UBR3: variants seen among roughly 807,000 people sequenced by gnomAD.
UBR3 encodes E3 ubiquitin-protein ligase UBR3.
In UBR3, 85 loss-of-function variants were observed where a neutral mutation model predicts 243.2. The observed-to-expected ratio is 0.35, with a 90% confidence interval of 0.29 to 0.42. The LOEUF (loss-of-function observed/expected upper bound fraction) is 0.42, where lower values mean the gene tolerates loss of function less well. Ranked by LOEUF, UBR3 falls within the 10% of genes least tolerant of loss-of-function variation. The probability of loss-of-function intolerance (pLI) is 1.00; values close to 1 mark genes in which losing one functional copy is unlikely to be tolerated. For synonymous variants in UBR3, 748 were observed against 799.8 expected, an observed-to-expected ratio of 0.94 and a Z score of 1.09; for missense variants, 1,686 against 2,300.8, an observed-to-expected ratio of 0.73 and a Z score of 5.47.
In UBR3 at chr2:169,856,098, G is replaced by T. The variant is rs551469839; in HGVS notation, c.546-16138G>T. ...GACGGGGCGGCTGCCGGGCGGAGGGGCTCCTCACTTCTCAGACGGGGGCAG... is the reference window on the plus strand; with the variant it reads ...GACGGGGCGGCTGCCGGGCGGAGGGTCTCCTCACTTCTCAGACGGGGGCAG... On this transcript the variant is annotated intron_variant, in intron 1 of 38. Coordinates refer to ENST00000272793, the MANE Select transcript of UBR3 (RefSeq NM_172070.4). Among the ~76,000 whole-genome samples the T allele has an allele frequency of 5.8e-3, 869 of 150,136 alleles. 6 individuals are homozygous for T. The highest frequency in any genetic ancestry group is 0.02 in the African/African-American group (803 of 40,714).
chr2:170,072,448 G>A (rs983276252), intron 35 of UBR3, among the ~76,000 whole-genome samples: 7 of 151,852 alleles, frequency 4.6e-5, no homozygotes, highest in Non-Finnish European at 4.4e-5. Context: ...GGGAGGGATA[G>A]CATTAGGAGA....
At chr2:170,053,018 T>C (rs2091256440) in intron 32 of UBR3, among the ~76,000 whole-genome samples, 1 of 152,168 alleles carries the variant, frequency 6.6e-6, no homozygotes, top group Non-Finnish European at 1.5e-5. Flanking sequence ...AAAAGATCAT[T>C]CTGGCTGGAA....
chr2:169,948,284 T>G (rs1429242470), intron 22 of UBR3, among the ~76,000 whole-genome samples: 1 of 152,044 alleles, frequency 6.6e-6, no homozygotes, highest in Non-Finnish European at 1.5e-5. Context: ...TTGGATATTT[T>G]CTAAATTAAA....
intron 23 of UBR3, among the ~76,000 whole-genome samples, chr2:169,957,172 A>AT (rs1206094368): frequency 6.6e-5 from 10 of 152,104 alleles, no homozygotes; most frequent in Non-Finnish European, 1.2e-4. Flanking sequence ...TATGCTTACT[A>AT]GTATTGTTAG....
intron 33 of UBR3, 47 bp from the exon 34 acceptor site, chr2:170,061,032 T>G (rs763585006): frequency 8.0e-7 from 1 of 1,252,128 alleles, no homozygotes; most frequent in Non-Finnish European, 1.1e-6. Flanking sequence ...ATGTAAATTT[T>G]TTATAATTTT....
chr2:169,849,409 T>G (rs2082588741), intron 1 of UBR3, among the ~76,000 whole-genome samples: 1 of 152,218 alleles, frequency 6.6e-6, no homozygotes, highest in Non-Finnish European at 1.5e-5. Flanking sequence ...GTGTCCACAT[T>G]CAGTTGAGTT....
At chr2:169,852,275 T>C (rs1421028925) in intron 1 of UBR3, among the ~76,000 whole-genome samples, 1 of 152,210 alleles carries the variant, frequency 6.6e-6, no homozygotes, top group Non-Finnish European at 1.5e-5. Flanking sequence ...AAAAGATGAA[T>C]GGAATAATGG....
At chr2:170,004,266 C>T (rs73977004) in intron 27 of UBR3, among the ~76,000 whole-genome samples, 14,480 of 151,996 alleles carry the variant, frequency 0.095, 834 homozygotes, top group African/African-American at 0.16. Flanking sequence ...TCTTCTGGAG[C>T]ATGAGGGGGA....
chr2:170,075,889 G>A (rs1229676376), intron 36 of UBR3, among the ~76,000 whole-genome samples: 1 of 145,672 alleles, frequency 6.9e-6, no homozygotes, highest in African/African-American at 2.5e-5. Flanking sequence ...TTTAAAATAA[G>A]GAAAACCAAA....
At position 169,890,556 on chromosome 2, in the gene UBR3, T is replaced by TAC. The variant is rs1407070750; in HGVS notation, c.1039-608_1039-607insCA. On this transcript the variant is annotated intron_variant, in intron 5 of 38. Transcript: ENST00000272793. ...AGAGAGAGAGATATATATATATATA[T>TAC]ATATATATGTGTATATATATATATG... Among the ~76,000 whole-genome samples, 8 of 104,972 alleles carry TAC rather than the reference T, an allele frequency of 7.6e-5. 1 individual carries two copies. The highest frequency in any genetic ancestry group is 2.2e-4 in the East Asian group (1 of 4,632). 68.9% of individuals were successfully genotyped at this position (104,972 alleles called of 152,430 possible). A position where few individuals can be genotyped will look rare whatever the true frequency, so the allele number is the denominator to read the frequency against.
intron 18 of UBR3, among the ~76,000 whole-genome samples, chr2:169,931,566 C>T (rs537479185): frequency 3.3e-5 from 5 of 152,042 alleles, no homozygotes; most frequent in African/African-American, 1.2e-4. Flanking sequence ...GAAGCTTAAG[C>T]TTCTTACCAT....
intron 5 of UBR3, among the ~76,000 whole-genome samples, chr2:169,889,446 G>A (rs2084240292): frequency 6.6e-6 from 1 of 152,128 alleles, no homozygotes; most frequent in South Asian, 2.1e-4. Context: ...TCAGGTCTTG[G>A]AGAACCAGTT....
chr2:169,987,763 C>T (rs2105389230), intron 25 of UBR3, among the ~76,000 whole-genome samples: 1 of 152,046 alleles, frequency 6.6e-6, no homozygotes, highest in East Asian at 1.9e-4. Context: ...ACATATTTCT[C>T]CAGAGGATTA....
At chr2:170,046,343 T>C (rs2091088247) in intron 32 of UBR3, among the ~76,000 whole-genome samples, 1 of 152,190 alleles carries the variant, frequency 6.6e-6, no homozygotes, top group South Asian at 2.1e-4. Context: ...TTGGTTGTTA[T>C]AGTTCTTTTA....
At position 169,947,616 on chromosome 2, in the gene UBR3, C is replaced by A; in HGVS notation, c.2985C>A (p.His995Gln). ...PGSNLVSNMR[H>Q]FINYVRVRVP... is the part of the protein sequence containing the mutation. ...GTAACTTAGTGTCAAACATGCGACACTTTATAAACTATGTTAGAGTAAGAG... is the reference window on the plus strand; with the variant it reads ...GTAACTTAGTGTCAAACATGCGACAATTTATAAACTATGTTAGAGTAAGAG... The change falls in exon 22 of 39, where the codon CAC becomes CAA. Residue 995 changes from histidine (H) to glutamine (Q), a missense_variant. Physicochemically the swap from His to Gln is conservative, Grantham distance 24. Coordinates refer to ENST00000272793, the MANE Select transcript of UBR3 (RefSeq NM_172070.4). 1 of 1,538,744 alleles carries A rather than the reference C, an allele frequency of 6.5e-7. No individual in the cohort carries two copies. The highest frequency in any genetic ancestry group is 1.2e-5 in the South Asian group (1 of 81,612).
chr2:170,068,628 T>C (rs1487562679), intron 35 of UBR3, among the ~76,000 whole-genome samples: 1 of 152,102 alleles, frequency 6.6e-6, no homozygotes, highest in Non-Finnish European at 1.5e-5. Flanking sequence ...TCAGTGAAGT[T>C]GTAATAGTGA....
intron 5 of UBR3, among the ~76,000 whole-genome samples, chr2:169,890,525 GGAGA>G (rs781214598): frequency 0.012 from 777 of 67,172 alleles, 39 homozygotes; most frequent in Middle Eastern, 0.026. Flanking sequence ...GGTTTTTCTA[GGAGA>G]GAGAGAGAGA....
At chr2:169,878,601 A>T in intron 5 of UBR3, 27 bp downstream of exon 5, 3 of 1,540,768 alleles carry the variant, frequency 1.9e-6, no homozygotes, top group Non-Finnish European at 1.8e-6. Flanking sequence ...AAAACTTTTT[A>T]AAAAGTACAA....
At chr2:169,901,664 A>G (rs1023356379) in intron 8 of UBR3, among the ~76,000 whole-genome samples, 2 of 152,224 alleles carry the variant, frequency 1.3e-5, no homozygotes. Flanking sequence ...AGCTGATACA[A>G]TGAGAATTTG....
Sources: gnomAD v4.1 joint callset for allele counts (sites outside exome capture counted in the v4.1 genomes callset) on GRCh38, gnomAD v4.1.1 for gene constraint, MANE v1.5 for transcripts, NCBI Gene and HGNC (gene_info 2026-07-23, HGNC 2026-07-21) for gene names.